EYA1: variants seen among roughly 807,000 people sequenced by gnomAD.
The protein encoded by EYA1 is protein phosphatase EYA1.
Under a neutral mutation model 82.0 loss-of-function variants are expected in EYA1, and 16 were observed. That is an observed-to-expected ratio of 0.20 (90% CI 0.13 to 0.30). EYA1 has a LOEUF of 0.30. Among genes scored for constraint, EYA1 ranks in the 10% least tolerant of loss-of-function variants. EYA1 has a pLI of 1.00. For missense variants in EYA1, 633 were observed against 730.7 expected (o/e 0.87, Z 1.54); for synonymous variants, 261 against 264.4 (o/e 0.99, Z 0.12).
chr8:71,347,904 AAAAC>A lies in EYA1; in HGVS notation c.124+6874_124+6877del, dbSNP rs1374987604. Among the ~76,000 whole-genome samples, 1,378 of 150,724 alleles carry A rather than the reference AAAAC, an allele frequency of 9.1e-3. 26 individuals are homozygous for A. Among genetic ancestry groups the A allele is most frequent in the African/African-American group, 0.031 (1,264 of 40,600 alleles). On this transcript the variant is annotated intron_variant, in intron 3 of 17. Transcript: ENST00000340726. ...GGCATGCAAAAAAAAAAAAAAAAAA[AAAAC>A]CCCAAATCTGTAAAACTAGCAAATT...
chr8:71,370,769 T>C (rs1239586538), intron 2 of EYA1, among the ~76,000 whole-genome samples: 1 of 151,802 alleles, frequency 6.6e-6, no homozygotes, highest in Non-Finnish European at 1.5e-5. Context: ...TACAGGCACT[T>C]ACCACCATGC....
At chr8:71,334,074 A>G (rs1418198785) in intron 4 of EYA1, 23 bp downstream of exon 4, 2 of 1,575,310 alleles carry the variant, frequency 1.3e-6, no homozygotes, top group Non-Finnish European at 1.7e-6. Flanking sequence ...TGTTGATGTG[A>G]AAATCTAATA....
chr8:71,218,839 G>GTC (rs1274390496), intron 12 of EYA1, among the ~76,000 whole-genome samples: 1 of 151,890 alleles, frequency 6.6e-6, no homozygotes. Context: ...TGGGGGGAGA[G>GTC]GGGAAGGCCA....
chr8:71,488,371 G>A (rs1158803353), intron 2 of EYA1, among the ~76,000 whole-genome samples: 2 of 151,978 alleles, frequency 1.3e-5, no homozygotes, highest in African/African-American at 4.8e-5. Flanking sequence ...AAATAAATTA[G>A]GATGTAGTCA....
At chr8:71,469,039 T>A (rs1440489424) in intron 2 of EYA1, among the ~76,000 whole-genome samples, 2 of 152,128 alleles carry the variant, frequency 1.3e-5, no homozygotes, top group African/African-American at 4.8e-5. Flanking sequence ...ATTGTGACAA[T>A]TATGAGCTTG....
At chr8:71,199,989 C>T (rs10104263) in intron 17 of EYA1, 55,619 of 155,512 alleles carry the variant, frequency 0.36, 10,624 homozygotes, top group East Asian at 0.77. Context: ...TAGGTTTTTG[C>T]AGTTGTTGTT....
chr8:71,386,475 G>T (rs935512141), intron 2 of EYA1, among the ~76,000 whole-genome samples: 6 of 152,162 alleles, frequency 3.9e-5, no homozygotes, highest in African/African-American at 1.4e-4. Flanking sequence ...ATCTTTAAAG[G>T]CCACAATTAC....
Position 71,368,722 on chromosome 8 carries a change from G to A in EYA1, c.34-12211C>T, listed in dbSNP as rs1586565887. 3.3e-5 allele frequency among the ~76,000 whole-genome samples: 5 copies of A among 152,062 alleles called. No individual in the cohort carries two copies. The South Asian group carries it at 8.3e-4, about 25-fold the overall frequency. On this transcript the variant is annotated intron_variant, in intron 2 of 18. Transcript: ENST00000643681. ...TAAACCTAAAAATGGACACAAATACGGATGACCTAACTCACCACAAATAAA... is the reference window on the plus strand; with the variant it reads ...TAAACCTAAAAATGGACACAAATACAGATGACCTAACTCACCACAAATAAA...
At chr8:71,393,758 G>A (rs1219995281) in intron 2 of EYA1, among the ~76,000 whole-genome samples, 1 of 152,196 alleles carries the variant, frequency 6.6e-6, no homozygotes, top group Non-Finnish European at 1.5e-5. Flanking sequence ...AAACATACGT[G>A]TGCATGTGTC....
intron 8 of EYA1, 119 bp downstream of exon 8, chr8:71,299,519 A>G (rs1354690936): frequency 1.8e-5 from 14 of 762,820 alleles, no homozygotes; most frequent in Admixed American, 1.1e-4. Flanking sequence ...TGAATTTTAA[A>G]AGAAAACTAC....
At chr8:71,430,735 G>A (rs1216826781) in intron 2 of EYA1, among the ~76,000 whole-genome samples, 4 of 152,174 alleles carry the variant, frequency 2.6e-5, no homozygotes, top group Admixed American at 2.6e-4. Flanking sequence ...GGTTCCCCAA[G>A]TAGCCAGAAA....
intron 2 of EYA1, among the ~76,000 whole-genome samples, chr8:71,459,637 GC>G (rs983864532): frequency 3.6e-5 from 3 of 82,850 alleles, no homozygotes; most frequent in Non-Finnish European, 6.0e-5. Context: ...TTTTCTGAGA[GC>G]TTTTTTCTCC....
chr8:71,439,733 C>G (rs1806271213), intron 2 of EYA1, among the ~76,000 whole-genome samples: 1 of 152,150 alleles, frequency 6.6e-6, no homozygotes, highest in Admixed American at 6.6e-5. Context: ...ATTCATTCCA[C>G]AAACATTCAC....
At chr8:71,266,926 C>T (rs1815901159) in intron 11 of EYA1, among the ~76,000 whole-genome samples, 1 of 152,194 alleles carries the variant, frequency 6.6e-6, no homozygotes, top group Non-Finnish European at 1.5e-5. Context: ...TTACTACCCA[C>T]CACTCCAATC....
intron 2 of EYA1, among the ~76,000 whole-genome samples, chr8:71,444,818 C>A (rs1042561304): frequency 6.6e-6 from 1 of 152,200 alleles, no homozygotes; most frequent in African/African-American, 2.4e-5. Flanking sequence ...GATTTCACTT[C>A]GTGGGAGGTA....
intron 2 of EYA1, among the ~76,000 whole-genome samples, chr8:71,370,751 G>C (rs1163214935): frequency 1.3e-5 from 2 of 151,864 alleles, no homozygotes; most frequent in Non-Finnish European, 2.9e-5. Flanking sequence ...CTTCTGAGTA[G>C]CTGAGACTAC....
intron 2 of EYA1, among the ~76,000 whole-genome samples, chr8:71,519,681 A>T (rs1813243774): frequency 6.6e-6 from 1 of 151,942 alleles, no homozygotes; most frequent in South Asian, 2.1e-4. Context: ...AAAAAAAAAA[A>T]ATCCCCTGGG....
chr8:71,423,948 C>T (rs1195385603), intron 2 of EYA1, among the ~76,000 whole-genome samples: 1 of 152,188 alleles, frequency 6.6e-6, no homozygotes, highest in Admixed American at 6.5e-5. Flanking sequence ...GTTCCCCTGT[C>T]ATTTGTTAAT....
At chr8:71,294,799 G>GA (rs1819422668) in intron 9 of EYA1, among the ~76,000 whole-genome samples, 1 of 152,208 alleles carries the variant, frequency 6.6e-6, no homozygotes, top group East Asian at 1.9e-4. Flanking sequence ...TGAAGGAGAA[G>GA]AAAAAAGTTG....
Sources: allele counts gnomAD v4.1 joint callset (sites outside exome capture counted in the v4.1 genomes callset), GRCh38; gene constraint gnomAD v4.1.1; transcripts MANE v1.5; gene names NCBI Gene and HGNC (gene_info 2026-07-23, HGNC 2026-07-21).